Variants in CRTAM observed in about 807,000 individuals in gnomAD.
CRTAM encodes cytotoxic and regulatory T-cell molecule.
A neutral mutation model predicts 50.0 loss-of-function variants in CRTAM; 44 were observed. The observed-to-expected ratio is 0.88, with a 90% CI of 0.69 to 1.13. The LOEUF is 1.13. Ranked by LOEUF, CRTAM falls within the 50% of genes most tolerant of loss-of-function variation. CRTAM has a pLI of 0.00. For missense variants in CRTAM, 448 were observed against 457.5 expected (o/e 0.98, Z 0.19); for synonymous variants, 159 against 169.3 (o/e 0.94, Z 0.47).
At chr11:122,846,640 GTCTC>G (rs1447113196) in intron 1 of CRTAM, among the ~76,000 whole-genome samples, 4 of 149,740 alleles carry the variant, frequency 2.7e-5, no homozygotes, top group Non-Finnish European at 5.9e-5. Context: ...CTGTCTGTCT[GTCTC>G]TCTCTGTCTT....
At chr11:122,852,589 T>C (rs77696263) in intron 3 of CRTAM, among the ~76,000 whole-genome samples, 3,604 of 152,216 alleles carry the variant, frequency 0.024, 100 homozygotes, top group Admixed American at 0.077. Flanking sequence ...TGCCATACGG[T>C]AAAGGCATGA....
rs966015380 is a variant in CRTAM at position 122,859,154 on chromosome 11, A to C, written c.652+3298A>C. Among the ~76,000 whole-genome samples the C allele has an allele frequency of 1.1e-4, 16 of 152,090 alleles. 1 individual carries two copies. The highest frequency in any genetic ancestry group is 2.1e-4 in the Non-Finnish European group (14 of 68,008). On this transcript the variant is annotated intron_variant, in intron 5 of 9. Coordinates refer to ENST00000227348, the MANE Select transcript of CRTAM (RefSeq NM_019604.4). The stretch of plus-strand genomic sequence containing the variant: ...TGAGATGGAGTGCACTTATTTTTTG[A>C]GATGAGTGCAGTGGCCCGATCTCAG...
At chr11:122,838,991 C>T (rs1232243125) in intron 1 of CRTAM, among the ~76,000 whole-genome samples, 1 of 152,108 alleles carries the variant, frequency 6.6e-6, no homozygotes, top group Non-Finnish European at 1.5e-5. Context: ...TGCAGCGGCA[C>T]GACCTCGGCT....
chr11:122,838,599 A>G lies in CRTAM; in HGVS notation c.46+7A>G. On this transcript the variant is annotated splice_region_variant and intron_variant, in intron 1 of 9. Coordinates refer to ENST00000227348, the MANE Select transcript of CRTAM (RefSeq NM_019604.4). The stretch of plus-strand genomic sequence containing the variant: ...GCATGGTTCCCCTTGCAAGGTAAGG[A>G]CTTAGAGTTATTTTTGTTGTTGCTC... 1.2e-6 allele frequency: 2 copies of G among 1,613,940 alleles called. No homozygotes were observed. Among genetic ancestry groups the G allele is most frequent in the Non-Finnish European group, 1.7e-6 (2 of 1,179,790 alleles).
chr11:122,847,061 A>C (rs1385324613), intron 1 of CRTAM, among the ~76,000 whole-genome samples: 1 of 152,250 alleles, frequency 6.6e-6, no homozygotes, highest in Non-Finnish European at 1.5e-5. Context: ...GAAGAATGTC[A>C]TGCTTACTAT....
Position 122,862,527 on chromosome 11 carries a change from A to G in CRTAM, c.716A>G (p.Gln239Arg), listed in dbSNP as rs750915787. ...ERNSLSSQDP[Q>R]QPTSTVSVTE... ...AACTCTCTATCCTCTCAAGACCCAC[A>G]GCAGCCCACCAGTACTGGTAAGTGT... Residue 239 changes from glutamine (Q) to arginine (R), a missense_variant, in exon 6 of 10, where the codon CAG becomes CGG. By Grantham distance (43) the Gln-to-Arg change is conservative. Coordinates refer to ENST00000227348, the MANE Select transcript of CRTAM (RefSeq NM_019604.4). 1 of 1,608,212 alleles carries G rather than the reference A, an allele frequency of 6.2e-7. No individual in the cohort carries two copies. Among genetic ancestry groups the G allele is most frequent in the African/African-American group, 1.3e-5 (1 of 74,968 alleles).
intron 6 of CRTAM, among the ~76,000 whole-genome samples, chr11:122,862,867 A>G (rs1220969175): frequency 2.6e-5 from 4 of 151,630 alleles, no homozygotes; most frequent in Admixed American, 6.6e-5. Flanking sequence ...ACAAAGTTGA[A>G]TTCATTTATA....
At position 122,864,696 on chromosome 11, in the gene CRTAM, C is replaced by T. The variant is rs151096627; in HGVS notation, c.794C>T (p.Thr265Ile). 3.7e-6 allele frequency: 6 copies of T among 1,613,478 alleles called. No individual in the cohort carries two copies. The African/African-American group carries it at 5.3e-5, about 14-fold the overall frequency. ...GACAAGGAAGAGAAAGAACAAACCA[C>T]TCAAGATCCTGACTTGACCACCGGT... is the stretch of plus-strand genomic sequence containing the variant. ...EIDKEEKEQT[T>I]QDPDLTTEAN... The change falls in exon 7 of 10, where the codon ACT becomes ATT. Residue 265 changes from threonine (T) to isoleucine (I), a missense_variant. By Grantham distance (89) the Thr-to-Ile change is moderately conservative (BLOSUM62 -1). Coordinates refer to ENST00000227348, the MANE Select transcript of CRTAM (RefSeq NM_019604.4).
intron 9 of CRTAM, among the ~76,000 whole-genome samples, chr11:122,868,805 G>C (rs1031527125): frequency 6.6e-6 from 1 of 152,054 alleles, no homozygotes; most frequent in African/African-American, 2.4e-5. Flanking sequence ...TCAGGAGATC[G>C]AGACCATCCT....
chr11:122,855,815 A>G lies in CRTAM; in HGVS notation c.611A>G (p.Gln204Arg), dbSNP rs150573383. 55 of 1,614,068 alleles carry G rather than the reference A, an allele frequency of 3.4e-5. No homozygotes were observed. In the African/African-American group the frequency reaches 7.2e-4, roughly 21 times the overall value. Reference protein sequence around the residue: ...VDCIIRHRGLQGRKLVAPFRF... With the variant: ...VDCIIRHRGLRGRKLVAPFRF... ...TGCATTATCCGACACAGAGGCCTGC[A>G]AGGGAGAAAACTAGTAGCACCCTTC... The change falls in exon 5 of 10, where the codon CAA becomes CGA. Residue 204 changes from glutamine (Q) to arginine (R), a missense_variant. By Grantham distance (43) the Gln-to-Arg change is conservative. Transcript: ENST00000227348.
rs567702290 is a variant in CRTAM at position 122,864,933 on chromosome 11, T to G, written c.817+214T>G. 2.6e-5 allele frequency among the ~76,000 whole-genome samples: 4 copies of G among 152,328 alleles called. No individual in the cohort carries two copies. In the East Asian group the frequency reaches 7.7e-4, roughly 29 times the overall value. On this transcript the variant is annotated intron_variant, in intron 7 of 9. Coordinates refer to ENST00000227348, the MANE Select transcript of CRTAM (RefSeq NM_019604.4). Reference sequence around the variant, plus strand: ...CTGTTATTTGTTGCTAACCACTGCTTCTCTGTATCCATTAATTAACTTATC... The same window carrying G: ...CTGTTATTTGTTGCTAACCACTGCTGCTCTGTATCCATTAATTAACTTATC...
In CRTAM at chr11:122,850,179, C is replaced by T. The variant is rs1452397411; in HGVS notation, c.158C>T (p.Pro53Leu). The T allele has an allele frequency of 1.2e-6, 2 of 1,611,584 alleles. No individual in the cohort carries two copies. Among genetic ancestry groups the T allele is most frequent in the Non-Finnish European group, 8.5e-7 (1 of 1,178,266 alleles). The change falls in exon 2 of 10, where the codon CCC (proline) becomes CTC (leucine). Residue 53 changes from proline (P) to leucine (L), a missense_variant. Transcript: ENST00000227348. Reference sequence around the variant, plus strand: ...AACTCCTCCCTCCAGTGGCTGACCCCCTCAGGGTTCACCATTTTTTTAAAT... The same window carrying T: ...AACTCCTCCCTCCAGTGGCTGACCCTCTCAGGGTTCACCATTTTTTTAAAT... Reference protein sequence around the residue: ...RKNSSLQWLTPSGFTIFLNEY... With the variant: ...RKNSSLQWLTLSGFTIFLNEY...
At chr11:122,843,193 GC>G (rs1301100622) in intron 1 of CRTAM, among the ~76,000 whole-genome samples, 1 of 152,156 alleles carries the variant, frequency 6.6e-6, no homozygotes, top group East Asian at 1.9e-4. Flanking sequence ...GATCACATGT[GC>G]TTTGGTGTAA....
intron 9 of CRTAM, among the ~76,000 whole-genome samples, chr11:122,868,571 A>G (rs1862213003): frequency 2.6e-5 from 4 of 151,958 alleles, no homozygotes; most frequent in Admixed American, 2.0e-4. Context: ...ATGCCCACCT[A>G]CTCCACTCAG....
chr11:122,863,313 AAG>A (rs1421550366), intron 6 of CRTAM, among the ~76,000 whole-genome samples: 3 of 107,804 alleles, frequency 2.8e-5, no homozygotes, highest in African/African-American at 1.0e-4. Context: ...AAAGAAAAGA[AAG>A]AAAGAAAAAG....
intron 4 of CRTAM, among the ~76,000 whole-genome samples, chr11:122,855,159 G>T (rs1228832278): frequency 6.6e-6 from 1 of 152,172 alleles, no homozygotes; most frequent in Admixed American, 6.5e-5. Flanking sequence ...GGCCAGGCTG[G>T]TCTCGAACCC....
chr11:122,864,564 G>A (rs1001413036), intron 6 of CRTAM, 72 bp from the exon 7 acceptor site: 152 of 1,048,440 alleles, frequency 1.4e-4, no homozygotes, highest in Non-Finnish European at 1.1e-4. Flanking sequence ...GAAGACTTAC[G>A]TAACTACAGT....
chr11:122,859,556 C>T (rs996063422), intron 5 of CRTAM, among the ~76,000 whole-genome samples: 4 of 152,050 alleles, frequency 2.6e-5, no homozygotes, highest in African/African-American at 9.7e-5. Context: ...CTTTTGCATT[C>T]GATCTCTTCC....
intron 5 of CRTAM, among the ~76,000 whole-genome samples, chr11:122,857,194 C>T (rs1388610514): frequency 6.6e-6 from 1 of 152,168 alleles, no homozygotes; most frequent in Non-Finnish European, 1.5e-5. Context: ...TAAGGCCAGG[C>T]GTAATGGCTC....
Sources: allele counts gnomAD v4.1 joint callset (sites outside exome capture counted in the v4.1 genomes callset), GRCh38; gene constraint gnomAD v4.1.1; transcripts MANE v1.5; gene names NCBI Gene and HGNC (gene_info 2026-07-23, HGNC 2026-07-21).